FAM227B: variants seen among roughly 807,000 people sequenced by gnomAD.
The protein encoded by FAM227B is family with sequence similarity 227 member B.
A neutral mutation model predicts 73.8 loss-of-function variants in FAM227B; 88 were observed. That is an observed-to-expected ratio of 1.19 (90% confidence interval 1.00 to 1.42). The LOEUF (loss-of-function observed/expected upper bound fraction) is 1.42. FAM227B is among the 40% of genes most tolerant of loss of function. FAM227B has a pLI of 0.00. For synonymous variants in FAM227B, 210 were observed against 190.5 expected (o/e 1.10, Z -0.84); for missense variants, 632 against 590.9 (o/e 1.07, Z -0.72).
intron 15 of FAM227B, chr15:49,330,127 A>G (rs12910486): frequency 0.99 from 150,187 of 152,378 alleles, 74,023 homozygotes; most frequent in Middle Eastern, 1. Context: ...TGGCCCTAAA[A>G]GATGAGTAGA....
At chr15:49,409,347 C>A (rs1381628889) in intron 11 of FAM227B, among the ~76,000 whole-genome samples, 1 of 152,020 alleles carries the variant, frequency 6.6e-6, no homozygotes, top group Non-Finnish European at 1.5e-5. Flanking sequence ...AAGGCTCAGG[C>A]TTCAGATTAG....
chr15:49,559,106 C>T (rs775522408), intron 9 of FAM227B, among the ~76,000 whole-genome samples: 1 of 152,054 alleles, frequency 6.6e-6, no homozygotes, highest in Admixed American at 6.6e-5. Flanking sequence ...CAGAGATAGA[C>T]TAGAATATGA....
chr15:49,381,076 G>A (rs2046502899), intron 11 of FAM227B, among the ~76,000 whole-genome samples: 1 of 152,044 alleles, frequency 6.6e-6, no homozygotes, highest in Non-Finnish European at 1.5e-5. Flanking sequence ...GGGAGGGGAG[G>A]TGTCATGCAT....
chr15:49,369,749 T>G, intron 12 of FAM227B, among the ~76,000 whole-genome samples: 1 of 152,196 alleles, frequency 6.6e-6, no homozygotes, highest in East Asian at 1.9e-4. Context: ...TATCTTTCAC[T>G]TATTTATTGG....
chr15:49,396,049 A>T, intron 11 of FAM227B: 1 of 451,678 alleles, frequency 2.2e-6, no homozygotes, highest in Non-Finnish European at 4.4e-6. Flanking sequence ...TGAGCGACGC[A>T]GAAGATGGTG....
chr15:49,489,867 TATATATATATATATATAGAG>T (rs2056877519), intron 11 of FAM227B, among the ~76,000 whole-genome samples: 2 of 13,930 alleles, frequency 1.4e-4, no homozygotes, highest in South Asian at 5.1e-3. Context: ...ATTTTATATA[TATATATATATATATATAGAG>T]AGAGAGAGAG....
rs752761425 is a variant in FAM227B, at chr15:49,422,735, A to C, written c.1013-51336T>G. On this transcript the variant is annotated intron_variant, in intron 11 of 15. Transcript: ENST00000299338. ...TCAGCCTAGGAATATAATACATAAA[A>C]ATTGTACTTATATTCATATTCAATG... The C allele has an allele frequency of 2.3e-6, 3 of 1,291,978 alleles. No individual in the cohort carries two copies. In the African/African-American group the frequency reaches 4.4e-5, roughly 19 times the overall value. The allele number at this position is 1,291,978 out of a possible 1,614,324, so 80.0% of individuals were successfully genotyped here.
At chr15:49,536,568 A>G (rs913007144) in intron 10 of FAM227B, among the ~76,000 whole-genome samples, 1 of 152,054 alleles carries the variant, frequency 6.6e-6, no homozygotes, top group Non-Finnish European at 1.5e-5. Context: ...AACAATTCTA[A>G]AATTTGTATA....
Position 49,536,719 on chromosome 15 carries a change from CA to C in FAM227B, c.874+4960del, listed in dbSNP as rs373997285. On this transcript the variant is annotated intron_variant, in intron 10 of 15. Coordinates refer to ENST00000299338, the MANE Select transcript of FAM227B (RefSeq NM_152647.3). ...ACTATGGTATTGGCATGAACACCGA[CA>C]TAAAGATGAGGTATAGAATACAGGG... is the stretch of plus-strand genomic sequence containing the variant. 2.0e-3 allele frequency among the ~76,000 whole-genome samples: 309 copies of C among 151,836 alleles called. 2 individuals carry two copies. Among genetic ancestry groups the C allele is most frequent in the African/African-American group, 7.2e-3 (297 of 41,460 alleles).
At chr15:49,405,073 T>C (rs1596963321) in intron 11 of FAM227B, among the ~76,000 whole-genome samples, 1 of 152,198 alleles carries the variant, frequency 6.6e-6, no homozygotes. Flanking sequence ...ATGTTGAATA[T>C]TGGCCCCCAA....
intron 13 of FAM227B, among the ~76,000 whole-genome samples, chr15:49,345,374 GT>G (rs2041319754): frequency 6.6e-6 from 1 of 152,182 alleles, no homozygotes; most frequent in Admixed American, 6.5e-5. Flanking sequence ...GCTGCATGAT[GT>G]TGGTGTTGAC....
intron 13 of FAM227B, among the ~76,000 whole-genome samples, chr15:49,336,706 A>C (rs1040705284): frequency 2.0e-5 from 3 of 152,208 alleles, no homozygotes; most frequent in African/African-American, 7.2e-5. Flanking sequence ...TCTAAAAAAT[A>C]ATTTCAACTT....
intron 10 of FAM227B, among the ~76,000 whole-genome samples, chr15:49,518,402 T>C (rs369141049): frequency 2.0e-5 from 3 of 152,156 alleles, no homozygotes; most frequent in East Asian, 3.8e-4. Context: ...GGAATTATGC[T>C]CAAAACTGTT....
At chr15:49,519,285 A>G (rs1248808749) in intron 10 of FAM227B, among the ~76,000 whole-genome samples, 1 of 152,152 alleles carries the variant, frequency 6.6e-6, no homozygotes, top group East Asian at 1.9e-4. Flanking sequence ...ACATGGTGCA[A>G]GCTGTCAGTG....
chr15:49,602,728 T>C (rs1342185540), intron 3 of FAM227B, among the ~76,000 whole-genome samples: 3 of 152,224 alleles, frequency 2.0e-5, no homozygotes, highest in Non-Finnish European at 4.4e-5. Context: ...CCCAGACCAA[T>C]GTGCTGGAGA....
rs912623292 is a variant in FAM227B, at chr15:49,358,072, T to C, written c.1271+9376A>G. Among the ~76,000 whole-genome samples the C allele has an allele frequency of 2.6e-5, 4 of 152,056 alleles. No individual in the cohort carries two copies. The East Asian group carries it at 5.8e-4, about 22-fold the overall frequency. On this transcript the variant is annotated intron_variant, in intron 13 of 15. Transcript: ENST00000299338. The stretch of plus-strand genomic sequence containing the variant: ...CTAAAAGCTATCAATAAATTAGGTA[T>C]TGATGGGACGTATTTCAAAATAATA...
At chr15:49,462,941 T>G (rs2053936656) in intron 11 of FAM227B, among the ~76,000 whole-genome samples, 1 of 152,226 alleles carries the variant, frequency 6.6e-6, no homozygotes, top group African/African-American at 2.4e-5. Flanking sequence ...TGGAACTGTG[T>G]CATGATAAAT....
intron 9 of FAM227B, among the ~76,000 whole-genome samples, chr15:49,544,765 T>C (rs1049978714): frequency 1.3e-5 from 2 of 152,352 alleles, no homozygotes; most frequent in South Asian, 4.1e-4. Flanking sequence ...GAGATAAACA[T>C]ATGCTTTTTA....
chr15:49,412,439 TAAAATAACCAGAGAG>T (rs2048930925), intron 11 of FAM227B, among the ~76,000 whole-genome samples: 1 of 152,058 alleles, frequency 6.6e-6, no homozygotes, highest in Non-Finnish European at 1.5e-5. Context: ...TTCTTTCAGG[TAAAATAACCAGAGAG>T]GGTACTAAGG....
Sources: gnomAD v4.1 joint callset for allele counts (sites outside exome capture counted in the v4.1 genomes callset) on GRCh38, gnomAD v4.1.1 for gene constraint, MANE v1.5 for transcripts, NCBI Gene and HGNC (gene_info 2026-07-23, HGNC 2026-07-21) for gene names.